DPP6: variants seen among roughly 807,000 people sequenced by gnomAD.
DPP6 encodes dipeptidyl peptidase like 6, also known as A-type potassium channel modulatory protein DPP6.
A neutral mutation model predicts 122.6 loss-of-function variants in DPP6; 69 were observed. The ratio of observed to expected loss-of-function variants is 0.56; its 90% CI spans 0.46 to 0.69. The LOEUF (loss-of-function observed/expected upper bound fraction) is 0.69, where lower values mean the gene tolerates loss of function less well. Ranked by LOEUF, DPP6 falls within the 30% of genes least tolerant of loss-of-function variation. The probability of loss-of-function intolerance (pLI) is 0.00; values close to 1 mark genes in which losing one functional copy is unlikely to be tolerated. For synonymous variants in DPP6, 418 were observed against 433.1 expected (o/e 0.97, Z 0.43); for missense variants, 928 against 1,116.9 (o/e 0.83, Z 2.41).
chr7:154,344,980 A>G (rs1211199957), intron 1 of DPP6, among the ~76,000 whole-genome samples: 2 of 152,230 alleles, frequency 1.3e-5, no homozygotes, highest in Non-Finnish European at 2.9e-5. Context: ...TGGCACTTAA[A>G]CATAAGTGGA....
Position 154,759,402 on chromosome 7 carries a change from G to C in DPP6, c.884-10015G>C, listed in dbSNP as rs559952378. ...TCACACAACTCAAGAGCACGGGGAC[G>C]TTCTCCCAGGAGCAGCCTGTCTCTT... On this transcript the variant is annotated intron_variant, in intron 8 of 25. Transcript: ENST00000377770. 3.3e-5 allele frequency among the ~76,000 whole-genome samples: 5 copies of C among 152,334 alleles called. No individual in the cohort carries two copies. In the South Asian group the frequency reaches 1.0e-3, roughly 32 times the overall value.
intron 1 of DPP6, among the ~76,000 whole-genome samples, chr7:154,229,402 G>A (rs935707606): frequency 1.3e-5 from 2 of 152,154 alleles, no homozygotes; most frequent in Non-Finnish European, 2.9e-5. Flanking sequence ...AAGGGTTTTG[G>A]CACCCATTGA....
chr7:154,597,608 A>T (rs1034595887), intron 5 of DPP6, among the ~76,000 whole-genome samples: 8 of 97,414 alleles, frequency 8.2e-5, no homozygotes, highest in Admixed American at 3.2e-4. Flanking sequence ...GTGAGACTCC[A>T]TAAAAAAAAA....
chr7:154,440,707 G>T (rs370221636), intron 1 of DPP6, among the ~76,000 whole-genome samples: 28 of 152,288 alleles, frequency 1.8e-4, no homozygotes, highest in African/African-American at 6.7e-4. Flanking sequence ...AGATTGATTG[G>T]TTTAAAGATA....
chr7:154,400,104 C>G (rs1815438493), intron 1 of DPP6, among the ~76,000 whole-genome samples: 1 of 152,020 alleles, frequency 6.6e-6, no homozygotes. Flanking sequence ...TTTGGTGTGT[C>G]CTGGAGGTAA....
chr7:154,883,051 G>A (rs78615434), intron 21 of DPP6, among the ~76,000 whole-genome samples: 6 of 68,892 alleles, frequency 8.7e-5, no homozygotes, highest in African/African-American at 4.0e-4. Context: ...ACACACACAT[G>A]CTCACACATT....
chr7:154,377,159 C>T (rs574589445), intron 1 of DPP6, among the ~76,000 whole-genome samples: 6 of 152,188 alleles, frequency 3.9e-5, no homozygotes, highest in South Asian at 2.1e-4. Context: ...ATGTTGCATA[C>T]GAAGAAACTG....
chr7:154,737,246 A>G (rs950824), intron 8 of DPP6, among the ~76,000 whole-genome samples: 29,013 of 152,162 alleles, frequency 0.19, 2,899 homozygotes, highest in Admixed American at 0.23. Context: ...GTTCCTTGGT[A>G]TCCTCGGGAG....
At chr7:154,650,254 G>A (rs1431961862) in intron 6 of DPP6, among the ~76,000 whole-genome samples, 1 of 152,102 alleles carries the variant, frequency 6.6e-6, no homozygotes, top group East Asian at 1.9e-4. Context: ...GAGCCCAGGA[G>A]GTCAAAGTTG....
chr7:154,607,614 T>C (rs1471920924), intron 5 of DPP6, among the ~76,000 whole-genome samples: 2 of 105,430 alleles, frequency 1.9e-5, no homozygotes, highest in Non-Finnish European at 2.1e-5. Flanking sequence ...AATTGCTTGA[T>C]GGGTACTATA....
chr7:154,052,600 G>A lies in DPP6; in HGVS notation c.-221G>A. Reference sequence around the variant, plus strand: ...CCGGCTTCGCGAGCCGCCGGGGAGGGGGCGGAGGAGGCTGAGCCAGGCAGA... The same window carrying A: ...CCGGCTTCGCGAGCCGCCGGGGAGGAGGCGGAGGAGGCTGAGCCAGGCAGA... On this transcript the variant is annotated 5_prime_UTR_variant, in exon 1 of 26. Coordinates refer to ENST00000377770, the MANE Select transcript of DPP6 (RefSeq NM_130797.4). This position sits in a 1 kb window ranked among gnomAD's most constrained non-coding sequence, Gnocchi z 4.8. 2.4e-6 allele frequency: 3 copies of A among 1,228,906 alleles called. No homozygotes were observed. The highest frequency in any genetic ancestry group is 3.1e-6 in the Non-Finnish European group (3 of 976,642). The allele number at this position is 1,228,906 out of a possible 1,614,324, so 76.1% of individuals were successfully genotyped here. A position where few individuals can be genotyped will look rare whatever the true frequency, so the allele number is the denominator to read the frequency against.
In DPP6 at chr7:154,432,795, C is replaced by T. The variant is rs978884633; in HGVS notation, c.244-13419C>T. On this transcript the variant is annotated intron_variant, in intron 1 of 25. Coordinates refer to ENST00000377770, the MANE Select transcript of DPP6 (RefSeq NM_130797.4). ...GGCATCACAGGTCATGAGTTCTGTT[C>T]GATAATGATGTCACTGGTCACCCAT... is the stretch of plus-strand genomic sequence containing the variant. Among the ~76,000 whole-genome samples the T allele has an allele frequency of 4.6e-5, 7 of 152,152 alleles. No individual in the cohort carries two copies. The East Asian group carries it at 7.7e-4, about 17-fold the overall frequency.
chr7:154,860,216 C>G (rs1162412629), intron 17 of DPP6, among the ~76,000 whole-genome samples: 2 of 152,148 alleles, frequency 1.3e-5, no homozygotes, highest in African/African-American at 4.8e-5. Flanking sequence ...TGAGGCACCC[C>G]CTCCTAGACT....
intron 1 of DPP6, among the ~76,000 whole-genome samples, chr7:154,313,296 G>A (rs566479026): frequency 3.9e-5 from 6 of 152,250 alleles, no homozygotes; most frequent in South Asian, 2.1e-4. Context: ...TGCAGCCAGC[G>A]GTCTGCTGGA....
At chr7:154,499,970 C>A (rs532483385) in intron 3 of DPP6, among the ~76,000 whole-genome samples, 1 of 152,166 alleles carries the variant, frequency 6.6e-6, no homozygotes, top group Non-Finnish European at 1.5e-5. Flanking sequence ...AAACCAGGCA[C>A]AAACATCTAA....
the DPP6 span, among the ~76,000 whole-genome samples, chr7:153,872,549 G>T: frequency 2.0e-5 from 3 of 152,142 alleles, no homozygotes; most frequent in Non-Finnish European, 2.9e-5. Context: ...ATTTTAAAAT[G>T]ATAGATAACA....
chr7:154,019,410 TTTTC>T (rs1477260138), intron 1 of DPP6, among the ~76,000 whole-genome samples: 3 of 152,022 alleles, frequency 2.0e-5, no homozygotes, highest in Non-Finnish European at 2.9e-5. Flanking sequence ...TCCTTCCCTT[TTTTC>T]TTTATCTATC....
In DPP6 at chr7:154,892,727, C is replaced by G; in HGVS notation, c.*247C>G. 1 of 806,566 alleles carries G rather than the reference C, an allele frequency of 1.2e-6. No homozygotes were observed. The highest frequency in any genetic ancestry group is 2.1e-6 in the Non-Finnish European group (1 of 478,848). 50.0% of individuals were successfully genotyped at this position (806,566 alleles called of 1,614,324 possible). A position where few individuals can be genotyped will look rare whatever the true frequency, so the allele number is the denominator to read the frequency against. Reference sequence around the variant, plus strand: ...CGCAGCAGCGCCTCCTCCCGGCGCCCGAGAGACCGGCACGCCACGGCCCCT... The same window carrying G: ...CGCAGCAGCGCCTCCTCCCGGCGCCGGAGAGACCGGCACGCCACGGCCCCT... On this transcript the variant is annotated 3_prime_UTR_variant, in exon 26 of 26. Transcript: ENST00000377770.
At chr7:153,881,900 C>T in the DPP6 span, among the ~76,000 whole-genome samples, 1 of 152,180 alleles carries the variant, frequency 6.6e-6, no homozygotes, top group Non-Finnish European at 1.5e-5. Context: ...AGGAGCCCTG[C>T]CATCTGTATT....
Sources: gnomAD v4.1 joint callset for allele counts (sites outside exome capture counted in the v4.1 genomes callset) on GRCh38, gnomAD v4.1.1 for gene constraint, Gnocchi (gnomAD v3.1) non-coding constraint, MANE v1.5 for transcripts, NCBI Gene and HGNC (gene_info 2026-07-23, HGNC 2026-07-21) for gene names.